ACTN1: variants seen among roughly 807,000 people sequenced by gnomAD.
ACTN1 encodes the protein alpha-actinin-1.
ACTN1 carries 30 observed loss-of-function variants against 119.6 expected under a neutral mutation model. That is an observed-to-expected ratio of 0.25 (90% CI 0.19 to 0.34). The LOEUF is 0.34. Among genes scored for constraint, ACTN1 ranks in the 10% least tolerant of loss-of-function variants. The probability of loss-of-function intolerance (pLI) is 1.00; values close to 1 mark genes in which losing one functional copy is unlikely to be tolerated. For synonymous variants in ACTN1, 429 were observed against 472.6 expected (o/e 0.91, Z 1.20); for missense variants, 764 against 1,223.4 (o/e 0.62, Z 5.60).
At chr14:68,977,825 C>G (rs2037115876) in intron 1 of ACTN1, 1 of 390,384 alleles carries the variant, frequency 2.6e-6, no homozygotes, top group Non-Finnish European at 5.2e-6. Flanking sequence ...AAACCCCATT[C>G]CCAGATCAGC....
intron 11 of ACTN1, chr14:68,886,773 A>C (rs895541764): frequency 6.7e-6 from 1 of 148,982 alleles, no homozygotes; most frequent in Non-Finnish European, 1.5e-5. Flanking sequence ...CAGCCTGGTG[A>C]CAGAGCGAGA....
chr14:68,892,213 A>G lies in ACTN1; in HGVS notation c.926T>C (p.Met309Thr). 6.2e-7 allele frequency: 1 copy of G among 1,614,102 alleles called. No individual in the cohort carries two copies. ...CCGGAAGTCCTCCAGCTTCTGTTGC[A>G]TGGCATGCATGGTGTTCTCGGGCAC... ...NRVPENTMHA[M>T]QQKLEDFRDY... is the part of the protein sequence containing the mutation. Residue 309 changes from methionine to threonine, a missense_variant, in exon 10 of 22, where the codon ATG (methionine) becomes ACG (threonine). This residue lies in a region of ACTN1 where 544 missense variants were observed against 912.0 expected (regional missense o/e 0.60). Coordinates refer to ENST00000394419, the MANE Select transcript of ACTN1 (RefSeq NM_001130004.2).
Position 68,878,303 on chromosome 14 carries a change from G to T in ACTN1, c.2427+155C>A. 8.6e-7 allele frequency: 1 copy of T among 1,158,184 alleles called. No individual in the cohort carries two copies. Among genetic ancestry groups the T allele is most frequent in the Non-Finnish European group, 1.2e-6 (1 of 854,586 alleles). The allele number at this position is 1,158,184 out of a possible 1,614,324, so 71.7% of individuals were successfully genotyped here. The stretch of plus-strand genomic sequence containing the variant: ...CGCCCGTGGCCGGGCCGGCTTTCAG[G>T]GAGCCATCTTCCCCAAGGACATGGG... On this transcript the variant is annotated intron_variant, in intron 20 of 21. Transcript: ENST00000394419. This position sits in a 1 kb window ranked among gnomAD's most constrained non-coding sequence, Gnocchi z 4.4.
chr14:68,909,272 C>G lies in ACTN1; in HGVS notation c.594+46G>C. 1 of 1,592,642 alleles carries G rather than the reference C, an allele frequency of 6.3e-7. No homozygotes were observed. The highest frequency in any genetic ancestry group is 8.6e-7 in the Non-Finnish European group (1 of 1,161,868). The stretch of plus-strand genomic sequence containing the variant: ...GTCCTAGTCCTGCTCTTTTCCCACC[C>G]CACCTGCCAGGGACCCAAAGCGGGT... On this transcript the variant is annotated intron_variant, in intron 6 of 21. Coordinates refer to ENST00000394419, the MANE Select transcript of ACTN1 (RefSeq NM_001130004.2). The surrounding 1 kb of genome is among the most constrained non-coding windows in gnomAD (Gnocchi z 4.1).
chr14:68,917,353 G>T (rs1337049843), intron 3 of ACTN1, among the ~76,000 whole-genome samples: 1 of 152,160 alleles, frequency 6.6e-6, no homozygotes, highest in Non-Finnish European at 1.5e-5. Context: ...TCTGGGCCTG[G>T]TTCTGCCCTT....
intron 1 of ACTN1, among the ~76,000 whole-genome samples, chr14:68,958,065 C>T (rs573200739): frequency 2.6e-4 from 39 of 152,284 alleles, no homozygotes; most frequent in African/African-American, 9.4e-4. Flanking sequence ...GGGGTCCCGA[C>T]CTCTTGGGTT....
At chr14:68,917,415 A>C (rs1164832785) in intron 3 of ACTN1, among the ~76,000 whole-genome samples, 1 of 151,888 alleles carries the variant, frequency 6.6e-6, no homozygotes, top group Non-Finnish European at 1.5e-5. Context: ...TCCTTCAAAG[A>C]CTTTGGTGGG....
At chr14:68,875,104 T>G (rs746713224) in intron 21 of ACTN1, 87 bp from the exon 22 acceptor site, 2 of 1,577,488 alleles carry the variant, frequency 1.3e-6, no homozygotes, top group Admixed American at 3.6e-5. Flanking sequence ...CCTGGCGGCG[T>G]GAAGGCAGCA....
At chr14:68,963,132 C>T (rs970523015) in intron 1 of ACTN1, among the ~76,000 whole-genome samples, 4 of 152,216 alleles carry the variant, frequency 2.6e-5, no homozygotes, top group African/African-American at 9.7e-5. Context: ...GCCCCCGCAC[C>T]CGCTTGGCCT....
chr14:68,971,795 G>C (rs1481850573), intron 1 of ACTN1, among the ~76,000 whole-genome samples: 1 of 152,208 alleles, frequency 6.6e-6, no homozygotes, highest in African/African-American at 2.4e-5. Context: ...GAAGTAGCCT[G>C]CTGTAGCCAA....
chr14:68,899,761 C>G (rs528439871), intron 8 of ACTN1, among the ~76,000 whole-genome samples: 3 of 152,232 alleles, frequency 2.0e-5, no homozygotes, highest in African/African-American at 7.2e-5. Context: ...GGGACAGACC[C>G]CTGAAGGAGA....
In ACTN1 at chr14:68,879,771, T is replaced by C. The variant is rs148556292; in HGVS notation, c.2280+191A>G. 1,040 of 695,868 alleles carry C rather than the reference T, an allele frequency of 1.5e-3. 17 individuals carry two copies. The highest frequency in any genetic ancestry group is 0.015 in the South Asian group (745 of 50,494). The allele number at this position is 695,868 out of a possible 1,614,324, so 43.1% of individuals were successfully genotyped here. ...ACTCTCTCCCGGAAAGCAGGGAAGC[T>C]TATGGGGCACCAACACAGGTTTTCC... On this transcript the variant is annotated intron_variant, in intron 18 of 21. Transcript: ENST00000394419. The surrounding 1 kb of genome is among the most constrained non-coding windows in gnomAD (Gnocchi z 4.9).
Position 68,979,005 on chromosome 14 carries a change from C to T in ACTN1, c.52G>A (p.Asp18Asn). The T allele has an allele frequency of 1.2e-6, 2 of 1,604,856 alleles. No homozygotes were observed. The highest frequency in any genetic ancestry group is 1.7e-6 in the Non-Finnish European group (2 of 1,175,424). Residue 18 changes from aspartate (D) to asparagine (N), a missense_variant, in exon 1 of 22, where the codon GAC becomes AAC. Asp to Asn is a conservative substitution (Grantham distance 23, BLOSUM62 1). Transcript: ENST00000394419. Reference protein sequence around the residue: ...QTNDYMQPEEDWDRDLLLDPA... With the variant: ...QTNDYMQPEENWDRDLLLDPA... Reference sequence around the variant, plus strand: ...TCCAGGAGCAGGTCCCGGTCCCAGTCCTCTTCTGGCTGCATGTAATCGTTG... The same window carrying T: ...TCCAGGAGCAGGTCCCGGTCCCAGTTCTCTTCTGGCTGCATGTAATCGTTG...
At position 68,943,170 on chromosome 14, in the gene ACTN1, G is replaced by A. The variant is rs1370382651; in HGVS notation, c.106-17498C>T. Among the ~76,000 whole-genome samples the A allele has an allele frequency of 1.8e-4, 27 of 152,194 alleles. 1 individual carries two copies. The highest frequency in any genetic ancestry group is 1.8e-3 in the Admixed American group (27 of 15,272). ...TGTCAACAGCTCAGCAGGCTGAGCA[G>A]CTCGCCAACACCTTGGTATGGCCAG... is the stretch of plus-strand genomic sequence containing the variant. On this transcript the variant is annotated intron_variant, in intron 1 of 21. Coordinates refer to ENST00000394419, the MANE Select transcript of ACTN1 (RefSeq NM_001130004.2).
At chr14:68,974,552 T>TCA (rs5809408) in intron 1 of ACTN1, among the ~76,000 whole-genome samples, 35,879 of 149,656 alleles carry the variant, frequency 0.24, 4,404 homozygotes, top group Middle Eastern at 0.28. Context: ...TCCTACAACA[T>TCA]CACACACACA....
At chr14:68,899,944 G>C (rs920983897) in intron 8 of ACTN1, among the ~76,000 whole-genome samples, 1 of 152,184 alleles carries the variant, frequency 6.6e-6, no homozygotes, top group African/African-American at 2.4e-5. Flanking sequence ...AGGGGCCAGG[G>C]GAGGGGCACA....
chr14:68,924,373 A>T (rs2034809583), intron 2 of ACTN1, among the ~76,000 whole-genome samples: 1 of 152,132 alleles, frequency 6.6e-6, no homozygotes, highest in African/African-American at 2.4e-5. Flanking sequence ...AGGCACAGGA[A>T]ACAGAAAGTG....
At chr14:68,936,519 A>C in intron 1 of ACTN1, 1 of 259,618 alleles carries the variant, frequency 3.9e-6, no homozygotes, top group Non-Finnish European at 7.4e-6. Context: ...TTTTTTAAGT[A>C]TGCAAATAAA....
At chr14:68,941,437 G>A (rs1167000698) in intron 1 of ACTN1, among the ~76,000 whole-genome samples, 1 of 152,174 alleles carries the variant, frequency 6.6e-6, no homozygotes, top group Non-Finnish European at 1.5e-5. Flanking sequence ...CACACTCTGA[G>A]GACCAAGGCT....
Sources: allele counts gnomAD v4.1 joint callset (sites outside exome capture counted in the v4.1 genomes callset), GRCh38; gene constraint gnomAD v4.1.1; regional missense constraint gnomAD v4.1.1; non-coding constraint Gnocchi (gnomAD v3.1); transcripts MANE v1.5; gene names NCBI Gene and HGNC (gene_info 2026-07-23, HGNC 2026-07-21).